The following CDKAL1 variants were observed in gnomAD, a reference collection of about 807,000 sequenced individuals.
The protein encoded by CDKAL1 is CDKAL1 threonylcarbamoyladenosine tRNA methylthiotransferase, also known as threonylcarbamoyladenosine tRNA methylthiotransferase.
In CDKAL1, 32 loss-of-function variants were observed where a neutral mutation model predicts 68.2. The ratio of observed to expected loss-of-function variants is 0.47; its 90% CI spans 0.35 to 0.63. CDKAL1 has a LOEUF of 0.63. Among genes scored for constraint, CDKAL1 ranks in the 30% least tolerant of loss-of-function variants. The probability of loss-of-function intolerance (pLI) is 0.00; values close to 1 mark genes in which losing one functional copy is unlikely to be tolerated. For synonymous variants in CDKAL1, 234 were observed against 244.3 expected, an observed-to-expected ratio of 0.96 and a Z score of 0.39; for missense variants, 606 against 696.7, an observed-to-expected ratio of 0.87 and a Z score of 1.47.
chr6:21,196,768 G>C (rs1778484831), intron 13 of CDKAL1, among the ~76,000 whole-genome samples: 1 of 152,098 alleles, frequency 6.6e-6, no homozygotes, highest in Non-Finnish European at 1.5e-5. Flanking sequence ...ATTTGGGGGG[G>C]TCATAATTAT....
intron 10 of CDKAL1, among the ~76,000 whole-genome samples, chr6:20,963,553 C>T (rs143241208): frequency 9.1e-4 from 138 of 152,204 alleles, no homozygotes; most frequent in Middle Eastern, 3.4e-3. Flanking sequence ...ACATGTAGAC[C>T]GAAGGACCCC....
chr6:20,638,515 T>C (rs1327649479), intron 4 of CDKAL1, among the ~76,000 whole-genome samples: 3 of 152,194 alleles, frequency 2.0e-5, no homozygotes, highest in Non-Finnish European at 4.4e-5. Flanking sequence ...GCATGGTGGC[T>C]GGATCGTGAA....
intron 5 of CDKAL1, among the ~76,000 whole-genome samples, chr6:20,694,034 G>A (rs1045595682): frequency 2.8e-5 from 4 of 144,958 alleles, no homozygotes; most frequent in Non-Finnish European, 3.0e-5. Flanking sequence ...TAACACACCC[G>A]GCTAACTTTG....
At chr6:20,540,125 G>T (rs1763332664) in intron 2 of CDKAL1, among the ~76,000 whole-genome samples, 1 of 148,082 alleles carries the variant, frequency 6.8e-6, no homozygotes, top group African/African-American at 2.5e-5. Context: ...CCGGGCTGGA[G>T]TGCAGTGGTG....
intron 4 of CDKAL1, among the ~76,000 whole-genome samples, chr6:20,646,797 A>G (rs951858364): frequency 6.6e-6 from 1 of 152,096 alleles, no homozygotes; most frequent in Admixed American, 6.5e-5. Flanking sequence ...AGGCTGGAGT[A>G]TGGTGGCACG....
At chr6:20,936,894 T>C (rs373172804) in intron 9 of CDKAL1, among the ~76,000 whole-genome samples, 1 of 152,150 alleles carries the variant, frequency 6.6e-6, no homozygotes, top group African/African-American at 2.4e-5. Context: ...TTACTTAAAT[T>C]TCACCTGAAG....
intron 11 of CDKAL1, among the ~76,000 whole-genome samples, chr6:21,063,301 C>A (rs920922878): frequency 1.3e-5 from 2 of 152,108 alleles, no homozygotes; most frequent in African/African-American, 4.8e-5. Context: ...CAGAGTAATA[C>A]TGGATTTTTA....
At chr6:20,890,008 C>T (rs1353924754) in intron 9 of CDKAL1, among the ~76,000 whole-genome samples, 1 of 152,086 alleles carries the variant, frequency 6.6e-6, no homozygotes, top group Non-Finnish European at 1.5e-5. Context: ...CCTGCCTCGG[C>T]CCCCCAAAGT....
chr6:20,616,966 C>T (rs9368212), intron 4 of CDKAL1, among the ~76,000 whole-genome samples: 41,844 of 148,604 alleles, frequency 0.28, 6,355 homozygotes, highest in East Asian at 0.53. Context: ...CCTGAGTGCA[C>T]GAAGTTGAGG....
chr6:21,167,464 A>T (rs935231487), intron 13 of CDKAL1, among the ~76,000 whole-genome samples: 1 of 152,128 alleles, frequency 6.6e-6, no homozygotes, highest in Non-Finnish European at 1.5e-5. Context: ...AGATATGAAA[A>T]CCCTATCCAA....
chr6:21,083,791 A>T (rs1261076062), intron 12 of CDKAL1, among the ~76,000 whole-genome samples: 3 of 152,074 alleles, frequency 2.0e-5, no homozygotes, highest in Non-Finnish European at 4.4e-5. Flanking sequence ...CTTTCATGAT[A>T]TTGACATTTT....
intron 15 of CDKAL1, among the ~76,000 whole-genome samples, chr6:21,227,417 C>T (rs1232618744): frequency 6.6e-6 from 1 of 152,170 alleles, no homozygotes; most frequent in African/African-American, 2.4e-5. Flanking sequence ...ATTACTCTGT[C>T]ATCTGAGAAA....
intron 13 of CDKAL1, among the ~76,000 whole-genome samples, chr6:21,160,351 A>G (rs1031259981): frequency 6.6e-5 from 10 of 151,118 alleles, no homozygotes; most frequent in South Asian, 2.1e-4. Context: ...AGGCTGGAGT[A>G]CAGTGGCGCA....
At chr6:20,891,561 A>G (rs1490271148) in intron 9 of CDKAL1, among the ~76,000 whole-genome samples, 4 of 133,342 alleles carry the variant, frequency 3.0e-5, no homozygotes, top group African/African-American at 1.1e-4. Flanking sequence ...TTTGAGACGG[A>G]GTCTCACTCT....
At chr6:20,700,625 C>T (rs1347144842) in intron 5 of CDKAL1, among the ~76,000 whole-genome samples, 1 of 152,094 alleles carries the variant, frequency 6.6e-6, no homozygotes, top group East Asian at 1.9e-4. Flanking sequence ...AATTTCATGG[C>T]AAGCTCAGAT....
At chr6:21,215,475 T>C (rs1262747552) in intron 15 of CDKAL1, among the ~76,000 whole-genome samples, 1 of 152,188 alleles carries the variant, frequency 6.6e-6, no homozygotes, top group Non-Finnish European at 1.5e-5. Context: ...CTTGGTGTTT[T>C]TGCCTGTGAT....
chr6:21,048,140 G>C (rs553499388), intron 11 of CDKAL1, among the ~76,000 whole-genome samples: 1 of 152,288 alleles, frequency 6.6e-6, no homozygotes, highest in East Asian at 1.9e-4. Flanking sequence ...TGGCTTTGCA[G>C]ACCATGCAGT....
chr6:20,612,973 CT>C (rs1469286685), intron 4 of CDKAL1, among the ~76,000 whole-genome samples: 1 of 142,890 alleles, frequency 7.0e-6, no homozygotes, highest in African/African-American at 2.6e-5. Flanking sequence ...TGTGAAGAAA[CT>C]CATTGTTGCA....
chr6:20,745,600 C>G (rs923018853), intron 6 of CDKAL1, among the ~76,000 whole-genome samples: 4 of 151,898 alleles, frequency 2.6e-5, no homozygotes, highest in Non-Finnish European at 5.9e-5. Context: ...TATGTTTCAC[C>G]TATTGAATGA....
Sources: gnomAD v4.1 joint callset for allele counts (sites outside exome capture counted in the v4.1 genomes callset) on GRCh38, gnomAD v4.1.1 for gene constraint, MANE v1.5 for transcripts, NCBI Gene and HGNC (gene_info 2026-07-23, HGNC 2026-07-21) for gene names.